Variants in PRIM2 observed in about 807,000 individuals in gnomAD.
The protein encoded by PRIM2 is DNA primase subunit 2, also known as DNA primase large subunit.
PRIM2 carries 39 observed loss-of-function variants against 67.3 expected under a neutral mutation model. The observed-to-expected ratio is 0.58, with a 90% confidence interval of 0.45 to 0.76. The LOEUF (loss-of-function observed/expected upper bound fraction) is 0.76. PRIM2 is among the 30% of genes least tolerant of loss of function. The pLI is 0.00. For synonymous variants in PRIM2, 143 were observed against 198.7 expected, an observed-to-expected ratio of 0.72 and a Z score of 2.36; for missense variants, 398 against 598.7, an observed-to-expected ratio of 0.66 and a Z score of 3.50.
chr6:57,492,001 A>C (rs1773903016), intron 7 of PRIM2, among the ~76,000 whole-genome samples: 4 of 152,206 alleles, frequency 2.6e-5, no homozygotes, highest in Admixed American at 6.5e-5. Flanking sequence ...TAAGGAATGG[A>C]ATTTTCTACT....
At chr6:57,291,002 G>A in the PRIM2 span, among the ~76,000 whole-genome samples, 5 of 152,128 alleles carry the variant, frequency 3.3e-5, no homozygotes, top group Non-Finnish European at 7.3e-5. Context: ...ACTAAGATCA[G>A]AGCAGAACTG....
intron 10 of PRIM2, among the ~76,000 whole-genome samples, chr6:57,546,802 G>A (rs1240915149): frequency 1.3e-5 from 2 of 152,124 alleles, no homozygotes; most frequent in Non-Finnish European, 2.9e-5. Context: ...TTCCATTGTT[G>A]TATGATCTTA....
chr6:57,296,588 TTGGTGGTGGTGGTAGTGGG>T, the PRIM2 span, among the ~76,000 whole-genome samples: 1 of 151,166 alleles, frequency 6.6e-6, no homozygotes, highest in Non-Finnish European at 1.5e-5. Context: ...GTAGCGGGGT[TTGGTGGTGGTGGTAGTGGG>T]TGGTGGTGGT....
intron 7 of PRIM2, among the ~76,000 whole-genome samples, chr6:57,449,213 A>G (rs1456480667): frequency 5.9e-5 from 9 of 152,122 alleles, no homozygotes; most frequent in Admixed American, 3.9e-4. Context: ...ATACATGTAA[A>G]TTTCTATCTA....
intron 7 of PRIM2, among the ~76,000 whole-genome samples, chr6:57,479,789 T>G (rs1773570856): frequency 6.6e-6 from 1 of 152,232 alleles, no homozygotes; most frequent in Non-Finnish European, 1.5e-5. Flanking sequence ...TTTGCTTATC[T>G]GTAAACTACT....
At chr6:57,445,521 G>A (rs1235671872) in intron 7 of PRIM2, among the ~76,000 whole-genome samples, 1 of 151,994 alleles carries the variant, frequency 6.6e-6, no homozygotes, top group Non-Finnish European at 1.5e-5. Context: ...TCACCTCTAG[G>A]CCATCTTTGT....
chr6:57,292,600 T>G, the PRIM2 span, among the ~76,000 whole-genome samples: 1 of 152,090 alleles, frequency 6.6e-6, no homozygotes, highest in African/African-American at 2.4e-5. Flanking sequence ...CGAACTAAAC[T>G]AGAAGGCTAC....
At chr6:57,420,305 C>G (rs1771424464) in intron 7 of PRIM2, among the ~76,000 whole-genome samples, 1 of 151,882 alleles carries the variant, frequency 6.6e-6, no homozygotes, top group African/African-American at 2.4e-5. Context: ...GGGTTCAAGA[C>G]CAATGTGACC....
intron 5 of PRIM2, among the ~76,000 whole-genome samples, chr6:57,339,050 A>G (rs1321247810): frequency 2.0e-5 from 3 of 152,118 alleles, no homozygotes; most frequent in Non-Finnish European, 4.4e-5. Context: ...AAGCATTCTT[A>G]TACACCAACA....
chr6:57,546,559 AAT>A (rs1775294104), intron 10 of PRIM2, among the ~76,000 whole-genome samples: 1 of 152,052 alleles, frequency 6.6e-6, no homozygotes, highest in Non-Finnish European at 1.5e-5. Flanking sequence ...TAATTATTTT[AAT>A]AAAATAATTT....
At chr6:57,375,607 A>G (rs1389493267) in intron 5 of PRIM2, among the ~76,000 whole-genome samples, 1 of 150,142 alleles carries the variant, frequency 6.7e-6, no homozygotes, top group Admixed American at 6.6e-5. Context: ...TCTAGAGGGT[A>G]GTGGTGTGAT....
intron 10 of PRIM2, among the ~76,000 whole-genome samples, chr6:57,559,640 G>C (rs1329227261): frequency 1.5e-4 from 23 of 152,120 alleles, no homozygotes; most frequent in Non-Finnish European, 2.8e-4. Context: ...ACATCGCTAA[G>C]GTGGTACTGG....
intron 7 of PRIM2, among the ~76,000 whole-genome samples, chr6:57,459,638 T>A (rs1159425114): frequency 6.6e-6 from 1 of 152,146 alleles, no homozygotes; most frequent in Non-Finnish European, 1.5e-5. Context: ...TAATCTTGAG[T>A]CTGAAATTCA....
the PRIM2 span, among the ~76,000 whole-genome samples, chr6:57,241,885 G>A: frequency 8.3e-4 from 126 of 152,144 alleles, no homozygotes; most frequent in African/African-American, 2.8e-3. Context: ...TGTTAGCCAG[G>A]ATGGTCTCGA....
chr6:57,609,558 T>A (rs1776627501), intron 12 of PRIM2, among the ~76,000 whole-genome samples: 1 of 152,198 alleles, frequency 6.6e-6, no homozygotes, highest in Admixed American at 6.5e-5. Flanking sequence ...AGAAAATTAA[T>A]GTTTATAGTT....
intron 7 of PRIM2, among the ~76,000 whole-genome samples, chr6:57,417,456 T>C (rs1771303724): frequency 6.6e-6 from 1 of 152,148 alleles, no homozygotes; most frequent in East Asian, 1.9e-4. Flanking sequence ...GTGAGAGAGG[T>C]GAGAATCTTC....
At chr6:57,423,135 G>A (rs1177190321) in intron 7 of PRIM2, among the ~76,000 whole-genome samples, 1 of 151,924 alleles carries the variant, frequency 6.6e-6, no homozygotes, top group African/African-American at 2.4e-5. Context: ...CAGTTGACTT[G>A]GTAGCCTATC....
intron 10 of PRIM2, among the ~76,000 whole-genome samples, chr6:57,541,692 G>T (rs1330927397): frequency 6.6e-6 from 1 of 152,124 alleles, no homozygotes; most frequent in Non-Finnish European, 1.5e-5. Flanking sequence ...CCAGGAAGAG[G>T]CAATGTTTCA....
chr6:57,471,107 A>G (rs1773327250), intron 7 of PRIM2, among the ~76,000 whole-genome samples: 2 of 152,042 alleles, frequency 1.3e-5, no homozygotes, highest in Admixed American at 6.5e-5. Context: ...TTTTCCATCC[A>G]AAGTCTAATT....
Sources: gnomAD v4.1 joint callset for allele counts (sites outside exome capture counted in the v4.1 genomes callset) on GRCh38, gnomAD v4.1.1 for gene constraint, MANE v1.5 for transcripts, NCBI Gene and HGNC (gene_info 2026-07-23, HGNC 2026-07-21) for gene names.